Variants in LOC400499 observed in about 807,000 individuals in gnomAD.
At chr16:11,393,428 G>A in the LOC400499 span, 1 of 1,232,278 alleles carries the variant, frequency 8.1e-7, no homozygotes, top group South Asian at 4.1e-5. Context: ...GACAGCTTGG[G>A]GCCCGGAACA....
the LOC400499 span, among the ~76,000 whole-genome samples, chr16:11,497,075 T>A: frequency 0.035 from 5,403 of 152,206 alleles, 131 homozygotes; most frequent in Non-Finnish European, 0.052. Context: ...TGCATATCCC[T>A]GTGTGTTTGT....
At chr16:11,439,664 C>T in the LOC400499 span, 187 of 398,382 alleles carry the variant, frequency 4.7e-4, 1 homozygote, top group Admixed American at 2.0e-3. Context: ...TGGGCAAATG[C>T]ATCCCAGAAT....
At chr16:11,372,733 C>T in the LOC400499 span, 1 of 984,188 alleles carries the variant, frequency 1.0e-6, no homozygotes, top group Non-Finnish European at 1.2e-6. Context: ...TAGACAAAAT[C>T]TCAAACTGTA....
the LOC400499 span, among the ~76,000 whole-genome samples, chr16:11,518,021 G>A: frequency 2.0e-4 from 31 of 152,256 alleles, no homozygotes; most frequent in African/African-American, 7.5e-4. Context: ...TGGGTCTCAG[G>A]CCTTGATGGA....
the LOC400499 span, among the ~76,000 whole-genome samples, chr16:11,462,774 C>A: frequency 6.6e-6 from 1 of 152,132 alleles, no homozygotes; most frequent in Non-Finnish European, 1.5e-5. Context: ...ACCTGTGTTA[C>A]AAACTCAGAC....
At chr16:11,393,225 C>G in the LOC400499 span, among the ~76,000 whole-genome samples, 1 of 149,696 alleles carries the variant, frequency 6.7e-6, no homozygotes, top group Non-Finnish European at 1.5e-5. Flanking sequence ...AACTCCTGAG[C>G]TCAAGCAATT....
the LOC400499 span, among the ~76,000 whole-genome samples, chr16:11,461,282 T>C: frequency 7.9e-5 from 12 of 152,348 alleles, no homozygotes; most frequent in East Asian, 2.3e-3. Context: ...CAGACAGGCC[T>C]GATCACAGCT....
At chr16:11,372,574 C>A in the LOC400499 span, 1 of 188,000 alleles carries the variant, frequency 5.3e-6, no homozygotes, top group Non-Finnish European at 9.9e-6. Flanking sequence ...ATGAGCCCTG[C>A]TTCCGTGCGT....
At chr16:11,494,160 G>T in the LOC400499 span, among the ~76,000 whole-genome samples, 1 of 122,232 alleles carries the variant, frequency 8.2e-6, no homozygotes, top group Non-Finnish European at 1.8e-5. Flanking sequence ...GCCTGGGCGG[G>T]GGCAGTGGCA....
the LOC400499 span, among the ~76,000 whole-genome samples, chr16:11,487,575 A>C: frequency 0.074 from 11,183 of 152,140 alleles, 779 homozygotes; most frequent in East Asian, 0.3. Flanking sequence ...AGAGTCACAC[A>C]CACCCACTTC....
At chr16:11,493,126 C>T in the LOC400499 span, among the ~76,000 whole-genome samples, 5 of 152,066 alleles carry the variant, frequency 3.3e-5, no homozygotes, top group Non-Finnish European at 7.4e-5. Flanking sequence ...CCCTCAGGGC[C>T]TGGGAAGTCA....
At chr16:11,449,078 G>A in the LOC400499 span, 3 of 1,476,370 alleles carry the variant, frequency 2.0e-6, no homozygotes, top group Admixed American at 2.0e-5. Flanking sequence ...TGTGGAAGAG[G>A]CTCTGTGCCA....
chr16:11,505,198 G>A, the LOC400499 span, among the ~76,000 whole-genome samples: 1 of 151,424 alleles, frequency 6.6e-6, no homozygotes, highest in African/African-American at 2.4e-5. Context: ...TCGTCATGGT[G>A]TAAATATACC....
At chr16:11,453,669 C>A in the LOC400499 span, among the ~76,000 whole-genome samples, 1 of 151,830 alleles carries the variant, frequency 6.6e-6, no homozygotes, top group Non-Finnish European at 1.5e-5. Flanking sequence ...AGAAATAGAA[C>A]AAAAGAGAAA....
the LOC400499 span, among the ~76,000 whole-genome samples, chr16:11,463,122 G>A: frequency 1.9e-3 from 284 of 152,328 alleles, 4 homozygotes; most frequent in African/African-American, 6.7e-3. Context: ...CTGGCCATGG[G>A]AAGACACTGG....
chr16:11,520,960 G>A, the LOC400499 span, among the ~76,000 whole-genome samples: 3 of 152,102 alleles, frequency 2.0e-5, no homozygotes, highest in East Asian at 5.8e-4. Flanking sequence ...CTTTTCTTAA[G>A]TGCTTAAAGT....
chr16:11,507,929 G>A, the LOC400499 span, among the ~76,000 whole-genome samples: 1 of 151,810 alleles, frequency 6.6e-6, no homozygotes, highest in Non-Finnish European at 1.5e-5. Context: ...ATGAGACCCT[G>A]TCTAAAAAAA....
At chr16:11,376,515 T>G in the LOC400499 span, among the ~76,000 whole-genome samples, 15,000 of 152,288 alleles carry the variant, frequency 0.098, 844 homozygotes, top group Non-Finnish European at 0.13. Context: ...GTGTAAGAGT[T>G]TCTTTCTAGA....
chr16:11,411,569 G>A, the LOC400499 span, among the ~76,000 whole-genome samples: 1 of 152,192 alleles, frequency 6.6e-6, no homozygotes, highest in South Asian at 2.1e-4. Context: ...CCTCTGCCTA[G>A]CTCTGGCACC....
Sources: gnomAD v4.1 joint callset for allele counts (sites outside exome capture counted in the v4.1 genomes callset) on GRCh38, gnomAD v4.1.1 for gene constraint, MANE v1.5 for transcripts.